Variants in SPOCK3 observed in about 807,000 individuals in gnomAD.
SPOCK3 encodes testican-3.
A neutral mutation model predicts 56.6 loss-of-function variants in SPOCK3; 30 were observed. The observed-to-expected ratio is 0.53, with a 90% CI of 0.40 to 0.72. The LOEUF (loss-of-function observed/expected upper bound fraction) is 0.72, where lower values mean the gene tolerates loss of function less well. Ranked by LOEUF, SPOCK3 falls within the 30% of genes least tolerant of loss-of-function variation. The probability of loss-of-function intolerance (pLI) is 0.00; values close to 1 mark genes in which losing one functional copy is unlikely to be tolerated. For synonymous variants in SPOCK3, 196 were observed against 183.3 expected (o/e 1.07, Z -0.56); for missense variants, 527 against 530.0 (o/e 0.99, Z 0.06).
intron 6 of SPOCK3, among the ~76,000 whole-genome samples, chr4:166,873,685 T>C (rs1732747960): frequency 6.6e-6 from 1 of 152,032 alleles, no homozygotes; most frequent in Non-Finnish European, 1.5e-5. Context: ...TCTTTAAGAT[T>C]CCCTGTTACT....
chr4:167,127,683 C>G (rs1371458941), intron 2 of SPOCK3, among the ~76,000 whole-genome samples: 1 of 152,158 alleles, frequency 6.6e-6, no homozygotes, highest in Non-Finnish European at 1.5e-5. Context: ...TCACCTCGGC[C>G]TCCGAAAGTG....
At chr4:167,074,750 G>C (rs1368946156) in intron 2 of SPOCK3, among the ~76,000 whole-genome samples, 1 of 151,876 alleles carries the variant, frequency 6.6e-6, no homozygotes, top group Non-Finnish European at 1.5e-5. Flanking sequence ...AGGGCGAGGA[G>C]TTGCTGGAAA....
chr4:166,955,699 C>A lies in SPOCK3; in HGVS notation c.351-42956G>T, dbSNP rs1365527761. Among the ~76,000 whole-genome samples the A allele has an allele frequency of 3.4e-5, 5 of 147,332 alleles. No homozygotes were observed. In the East Asian group the frequency reaches 9.8e-4, roughly 29 times the overall value. On this transcript the variant is annotated intron_variant, in intron 4 of 10. Transcript: ENST00000357545. ...AAATATAAATTATTAATAAAGTTTTCTTTTACAAATATATAATTTATAACT... is the reference window on the plus strand; with the variant it reads ...AAATATAAATTATTAATAAAGTTTTATTTTACAAATATATAATTTATAACT...
intron 2 of SPOCK3, among the ~76,000 whole-genome samples, chr4:167,162,403 G>A (rs1188032517): frequency 6.6e-6 from 1 of 151,984 alleles, no homozygotes; most frequent in Non-Finnish European, 1.5e-5. Flanking sequence ...TTTAACACTT[G>A]AACAACACTC....
At chr4:167,016,919 AAGCT>A (rs1750682464) in intron 3 of SPOCK3, among the ~76,000 whole-genome samples, 1 of 152,144 alleles carries the variant, frequency 6.6e-6, no homozygotes, top group Admixed American at 6.6e-5. Context: ...GTCCCTACGT[AAGCT>A]ATCAACAATG....
At chr4:166,936,428 T>G (rs923757280) in intron 4 of SPOCK3, among the ~76,000 whole-genome samples, 6 of 152,110 alleles carry the variant, frequency 3.9e-5, no homozygotes, top group African/African-American at 1.4e-4. Flanking sequence ...TCTAGAGATT[T>G]CTGTTTTGAA....
chr4:166,946,513 C>T lies in SPOCK3; in HGVS notation c.351-33770G>A, dbSNP rs564179126. ...CCTTTGCTCTAGCTTTTCTTTCTGC[C>T]CAAAATACTCTTTCCCAGACAGCCA... On this transcript the variant is annotated intron_variant, in intron 4 of 10. Coordinates refer to ENST00000357545, the MANE Select transcript of SPOCK3 (RefSeq NM_001040159.2). Among the ~76,000 whole-genome samples the T allele has an allele frequency of 9.9e-5, 15 of 152,250 alleles. 1 individual carries two copies. The highest frequency in any genetic ancestry group is 3.4e-4 in the African/African-American group (14 of 41,560).
intron 2 of SPOCK3, among the ~76,000 whole-genome samples, chr4:167,108,976 T>A (rs1427180406): frequency 1.5e-4 from 8 of 53,844 alleles, no homozygotes; most frequent in South Asian, 5.5e-4. Context: ...AATATATAAA[T>A]ATTATAAATA....
At chr4:167,200,905 A>T (rs1297105681) in intron 2 of SPOCK3, among the ~76,000 whole-genome samples, 2 of 152,034 alleles carry the variant, frequency 1.3e-5, no homozygotes, top group African/African-American at 4.8e-5. Flanking sequence ...TCCCAAACAC[A>T]TCTCTTCAGC....
intron 4 of SPOCK3, among the ~76,000 whole-genome samples, chr4:166,917,248 G>T (rs905510976): frequency 6.6e-6 from 1 of 152,102 alleles, no homozygotes; most frequent in African/African-American, 2.4e-5. Context: ...AAACCTTGTA[G>T]TTCTTGAATC....
intron 6 of SPOCK3, among the ~76,000 whole-genome samples, chr4:166,853,315 G>A (rs1730327314): frequency 6.6e-6 from 1 of 152,120 alleles, no homozygotes; most frequent in African/African-American, 2.4e-5. Context: ...GTAAGAATAA[G>A]TATGAAGACT....
intron 3 of SPOCK3, chr4:167,011,187 T>TA (rs1276634513): frequency 2.3e-6 from 1 of 433,930 alleles, no homozygotes; most frequent in Admixed American, 2.5e-5. Context: ...ACAAATTGAG[T>TA]AAAAAATACA....
chr4:166,908,561 CAA>C (rs1034687012), intron 5 of SPOCK3, among the ~76,000 whole-genome samples: 2 of 144,616 alleles, frequency 1.4e-5, no homozygotes, highest in Non-Finnish European at 3.1e-5. Context: ...CACACACACA[CAA>C]TTTTATGAAC....
chr4:167,185,181 A>C (rs1731838633), intron 2 of SPOCK3, among the ~76,000 whole-genome samples: 1 of 152,218 alleles, frequency 6.6e-6, no homozygotes, highest in Non-Finnish European at 1.5e-5. Context: ...TTAAACATTC[A>C]CAGAAATCTT....
At chr4:167,138,044 T>G (rs1349016579) in intron 2 of SPOCK3, among the ~76,000 whole-genome samples, 1 of 151,828 alleles carries the variant, frequency 6.6e-6, no homozygotes, top group Non-Finnish European at 1.5e-5. Context: ...GTTTTGACTC[T>G]AATAGTATTT....
rs1408501442 is a variant in SPOCK3, at chr4:166,889,195, T to C, written c.524A>G (p.Lys175Arg). The C allele has an allele frequency of 1.6e-5, 26 of 1,612,444 alleles. No individual in the cohort carries two copies. Among genetic ancestry groups the C allele is most frequent in the Non-Finnish European group, 2.2e-5 (26 of 1,178,880 alleles). ...AGGACATGGGCAATGTCCTTCACAT[T>C]TGACTGAGATCTGTTTTCCTAAGAC... ...ACVLGKQISV[K>R]CEGHCPCPSD... is the part of the protein sequence containing the mutation. Residue 175 changes from lysine to arginine, a missense_variant, in exon 6 of 11, where the codon AAA becomes AGA. By Grantham distance (26) the Lys-to-Arg change is conservative. Coordinates refer to ENST00000357545, the MANE Select transcript of SPOCK3 (RefSeq NM_001040159.2).
chr4:166,887,291 T>A (rs1338352245), intron 6 of SPOCK3, among the ~76,000 whole-genome samples: 2 of 152,170 alleles, frequency 1.3e-5, no homozygotes, highest in Admixed American at 6.6e-5. Flanking sequence ...CTCATTGAAG[T>A]AAAGTCTTTT....
At chr4:166,958,105 T>C (rs1466917514) in intron 4 of SPOCK3, among the ~76,000 whole-genome samples, 3 of 152,118 alleles carry the variant, frequency 2.0e-5, no homozygotes, top group African/African-American at 7.2e-5. Context: ...TGGTGGGAGT[T>C]GATTGGACCA....
chr4:166,942,677 G>C (rs1741239228), intron 4 of SPOCK3, among the ~76,000 whole-genome samples: 1 of 151,950 alleles, frequency 6.6e-6, no homozygotes, highest in Non-Finnish European at 1.5e-5. Context: ...AAAAGCAATG[G>C]GGTAGAAAAG....
Sources: gnomAD v4.1 joint callset for allele counts (sites outside exome capture counted in the v4.1 genomes callset) on GRCh38, gnomAD v4.1.1 for gene constraint, MANE v1.5 for transcripts, NCBI Gene and HGNC (gene_info 2026-07-23, HGNC 2026-07-21) for gene names.